TRMT2B: variants seen among roughly 807,000 people sequenced by gnomAD.
TRMT2B encodes tRNA (uracil-5-)-methyltransferase homolog B.
Under a neutral mutation model 39.7 loss-of-function variants are expected in TRMT2B, and 34 were observed. The ratio of observed to expected loss-of-function variants is 0.86; its 90% CI spans 0.65 to 1.14. TRMT2B has a LOEUF of 1.14. Among genes scored for constraint, TRMT2B ranks in the 50% most tolerant of loss-of-function variants. The pLI is 0.00. For missense variants in TRMT2B, 318 were observed against 377.2 expected (o/e 0.84, Z 1.30); for synonymous variants, 132 against 137.3 (o/e 0.96, Z 0.27).
chrX:100,978,636 A>T, the TRMT2B span, among the ~76,000 whole-genome samples: 2 of 108,828 alleles, frequency 1.8e-5, no homozygotes, highest in African/African-American at 6.7e-5. Context: ...TTTTTTTTTT[A>T]AATCCACTCA....
chrX:100,997,528 A>G, the TRMT2B span, among the ~76,000 whole-genome samples: 18 of 111,996 alleles, frequency 1.6e-4, no homozygotes, highest in Non-Finnish European at 3.0e-4. Context: ...TTAGTTTACA[A>G]AAAAAATCCT....
intron 13 of TRMT2B, among the ~76,000 whole-genome samples, chrX:101,015,943 G>A (rs2086489776): frequency 9.0e-6 from 1 of 110,541 alleles, no homozygotes; most frequent in Non-Finnish European, 1.9e-5. Context: ...GGTGGCAGGT[G>A]CCTGTAATCC....
At chrX:101,025,820 A>C (rs2087038590) in intron 7 of TRMT2B, among the ~76,000 whole-genome samples, 1 of 110,594 alleles carries the variant, frequency 9.0e-6, no homozygotes. Flanking sequence ...TTTGCCAGAC[A>C]TGGTGGCGGG....
intron 7 of TRMT2B, among the ~76,000 whole-genome samples, chrX:101,031,992 A>G (rs181298056): frequency 9.0e-6 from 1 of 111,319 alleles, no homozygotes; most frequent in African/African-American, 3.3e-5. Flanking sequence ...AATAGAGAGC[A>G]CATAGAAAAT....
chrX:101,045,441 A>G (rs1386451361), intron 2 of TRMT2B, among the ~76,000 whole-genome samples: 1 of 104,057 alleles, frequency 9.6e-6, no homozygotes, highest in African/African-American at 3.5e-5. Context: ...GCAACAAGAA[A>G]GAAACTTCAT....
At chrX:101,047,400 G>GT (rs1446663097) in intron 2 of TRMT2B, among the ~76,000 whole-genome samples, 1 of 111,543 alleles carries the variant, frequency 9.0e-6, no homozygotes, top group African/African-American at 3.3e-5. Flanking sequence ...AACAATGGGA[G>GT]TAACTATGAG....
At chrX:101,022,351 C>T (rs1448204266) in intron 8 of TRMT2B, among the ~76,000 whole-genome samples, 2 of 110,538 alleles carry the variant, frequency 1.8e-5, no homozygotes, top group South Asian at 3.9e-4. Flanking sequence ...CCGGGAGCGG[C>T]GGTTCACACC....
chrX:101,022,994 G>A (rs953423454), intron 8 of TRMT2B, among the ~76,000 whole-genome samples: 2 of 111,992 alleles, frequency 1.8e-5, no homozygotes, highest in Non-Finnish European at 3.8e-5. Flanking sequence ...TTCCTCAGGT[G>A]TAAAATGAGG....
At chrX:100,986,895 C>A in the TRMT2B span, 4 of 1,171,554 alleles carry the variant, frequency 3.4e-6, no homozygotes, top group Non-Finnish European at 3.5e-6. Context: ...AGTGCCCATG[C>A]CGAGTAGTAA....
chrX:100,984,270 C>T, the TRMT2B span, among the ~76,000 whole-genome samples: 1 of 109,450 alleles, frequency 9.1e-6, no homozygotes, highest in African/African-American at 3.3e-5. Context: ...TGTGCCACCG[C>T]ACCCGGCTAA....
chrX:101,036,928 C>T (rs1171505168), intron 6 of TRMT2B, 46 bp downstream of exon 6: 33 of 997,133 alleles, frequency 3.3e-5, no homozygotes, highest in Non-Finnish European at 4.4e-5. Context: ...TTCTCTGCAC[C>T]CTTTCATTCC....
At chrX:100,984,754 AAGAG>A in the TRMT2B span, among the ~76,000 whole-genome samples, 1 of 111,989 alleles carries the variant, frequency 8.9e-6, no homozygotes, top group Non-Finnish European at 1.9e-5. Context: ...CTCAACAAGA[AAGAG>A]AGAGAGAAGT....
At chrX:101,018,645 G>A (rs1333150225) in intron 13 of TRMT2B, among the ~76,000 whole-genome samples, 1 of 110,012 alleles carries the variant, frequency 9.1e-6, no homozygotes, top group African/African-American at 3.3e-5. Context: ...TAGACATGGG[G>A]TTTCACTGTG....
At chrX:100,987,703 A>G in the TRMT2B span, 4 of 590,018 alleles carry the variant, frequency 6.8e-6, no homozygotes, top group Non-Finnish European at 1.0e-5. Flanking sequence ...GGGCTAGGGC[A>G]GTGCCCACCA....
At chrX:100,981,337 G>A in the TRMT2B span, among the ~76,000 whole-genome samples, 1 of 111,635 alleles carries the variant, frequency 9.0e-6, no homozygotes, top group South Asian at 3.8e-4. Context: ...GTAGTTTTCT[G>A]CTGTGACAGG....
intron 7 of TRMT2B, among the ~76,000 whole-genome samples, chrX:101,024,370 T>C (rs910796224): frequency 2.7e-5 from 3 of 111,833 alleles, no homozygotes; most frequent in Admixed American, 9.6e-5. Context: ...TATTTTGTAA[T>C]GGCAGCCCTT....
chrX:100,988,574 T>A, the TRMT2B span: 910 of 989,777 alleles, frequency 9.2e-4, 3 homozygotes, highest in African/African-American at 0.017. Flanking sequence ...GCTGGATCAG[T>A]GGTTAGAGAA....
chrX:101,010,785 G>A (rs746026885), intron 13 of TRMT2B, 78 bp from the exon 14 acceptor site: 20 of 1,028,326 alleles, frequency 1.9e-5, no homozygotes, highest in Non-Finnish European at 2.6e-5. Flanking sequence ...TAAAATAGAG[G>A]CCCTTCCACT....
chrX:101,039,077 GT>G (rs1187261911), intron 4 of TRMT2B, among the ~76,000 whole-genome samples: 2 of 106,077 alleles, frequency 1.9e-5, no homozygotes, highest in African/African-American at 3.4e-5. Context: ...TTATTTTTTT[GT>G]TTTTTTTTGA....
Sources: gnomAD v4.1 joint callset for allele counts (sites outside exome capture counted in the v4.1 genomes callset) on GRCh38, gnomAD v4.1.1 for gene constraint, MANE v1.5 for transcripts, NCBI Gene and HGNC (gene_info 2026-07-23, HGNC 2026-07-21) for gene names.